FUT8: variants seen among roughly 807,000 people sequenced by gnomAD.
FUT8 encodes alpha-(1,6)-fucosyltransferase.
Under a neutral mutation model 71.3 loss-of-function variants are expected in FUT8, and 29 were observed. That is an observed-to-expected ratio of 0.41 (90% CI 0.30 to 0.55). The LOEUF is 0.55. FUT8 is among the 20% of genes least tolerant of loss of function. FUT8 has a pLI of 0.34. For synonymous variants in FUT8, 254 were observed against 239.3 expected (o/e 1.06, Z -0.57); for missense variants, 544 against 702.1 (o/e 0.77, Z 2.55).
chr14:65,478,348 C>T (rs897338103), intron 2 of FUT8, among the ~76,000 whole-genome samples: 1 of 151,992 alleles, frequency 6.6e-6, no homozygotes, highest in Non-Finnish European at 1.5e-5. Flanking sequence ...AATCTGAAAC[C>T]GACGTGACAC....
chr14:65,668,924 C>T (rs1038269701), intron 6 of FUT8, among the ~76,000 whole-genome samples: 19 of 152,072 alleles, frequency 1.2e-4, no homozygotes, highest in Non-Finnish European at 2.8e-4. Flanking sequence ...CAAACTAATG[C>T]AGGAACAGAA....
rs2065608316 is a variant in FUT8, at chr14:65,439,413, A to T, written c.-325-16208A>T. Among the ~76,000 whole-genome samples the T allele has an allele frequency of 1.3e-5, 2 of 152,136 alleles. 1 individual carries two copies. The highest frequency in any genetic ancestry group is 4.1e-4 in the South Asian group (2 of 4,824). On this transcript the variant is annotated intron_variant, in intron 1 of 10. Transcript: ENST00000673929. ...CATGTACCTCATATAGGCTAATTAG[A>T]ATATTTTGTTTAGTAACTTGATAAT...
intron 6 of FUT8, among the ~76,000 whole-genome samples, chr14:65,642,198 C>T (rs148046503): frequency 5.3e-5 from 8 of 152,230 alleles, no homozygotes; most frequent in East Asian, 1.9e-4. Context: ...TGAGGAATCA[C>T]GTAAACTAAG....
At chr14:65,480,521 C>T (rs2066314555) in intron 2 of FUT8, among the ~76,000 whole-genome samples, 2 of 151,770 alleles carry the variant, frequency 1.3e-5, no homozygotes, top group South Asian at 4.2e-4. Flanking sequence ...CATCATGTTG[C>T]CCAGGCTGGT....
chr14:65,680,595 A>G (rs1043393467), intron 7 of FUT8, among the ~76,000 whole-genome samples: 4 of 152,314 alleles, frequency 2.6e-5, no homozygotes, highest in African/African-American at 9.6e-5. Flanking sequence ...CAGATATTTC[A>G]CAGCATGTTG....
Position 65,600,113 on chromosome 14 carries a change from G to A in FUT8, c.204-15865G>A, listed in dbSNP as rs546515153. 2.0e-5 allele frequency among the ~76,000 whole-genome samples: 3 copies of A among 152,282 alleles called. No homozygotes were observed. In the South Asian group the frequency reaches 6.2e-4, roughly 32 times the overall value. ...TTTAGCCAAGTAAACGTAGAATAAT[G>A]TGTCTAAATTCCCCACAACAATCCA... is the stretch of plus-strand genomic sequence containing the variant. On this transcript the variant is annotated intron_variant, in intron 3 of 10. Coordinates refer to ENST00000673929, the MANE Select transcript of FUT8 (RefSeq NM_001371533.1).
At chr14:65,392,037 A>T in the FUT8 span, among the ~76,000 whole-genome samples, 1 of 151,962 alleles carries the variant, frequency 6.6e-6, no homozygotes, top group African/African-American at 2.4e-5. Context: ...TGTTCAAGTG[A>T]TTCTCTGGCC....
chr14:65,567,617 C>T (rs1271376788), intron 3 of FUT8, among the ~76,000 whole-genome samples: 1 of 151,876 alleles, frequency 6.6e-6, no homozygotes, highest in East Asian at 1.9e-4. Context: ...CTAATTATAA[C>T]CTTTCATGAT....
At chr14:65,635,896 T>G (rs1890525954) in intron 6 of FUT8, among the ~76,000 whole-genome samples, 1 of 152,212 alleles carries the variant, frequency 6.6e-6, no homozygotes, top group African/African-American at 2.4e-5. Flanking sequence ...TGTGGACTAG[T>G]ATCGAAAGGA....
chr14:65,692,904 C>T (rs1006958755), intron 7 of FUT8, among the ~76,000 whole-genome samples: 5 of 135,732 alleles, frequency 3.7e-5, no homozygotes, highest in Admixed American at 2.2e-4. Context: ...ACATCTCAGA[C>T]GATGGGCGGC....
rs1896056763 is a variant in FUT8, at chr14:65,733,118, C to A, written c.1260-113C>A. 5 of 622,614 alleles carry A rather than the reference C, an allele frequency of 8.0e-6. No homozygotes were observed. In the East Asian group the frequency reaches 1.2e-4, roughly 15 times the overall value. The allele number at this position is 622,614 out of a possible 1,614,324, so 38.6% of individuals were successfully genotyped here. ...GTCTCATCAACTACAGTATTAAATGCCATAATTAAAGGTCTCCTTTCTGTG... is the reference window on the plus strand; with the variant it reads ...GTCTCATCAACTACAGTATTAAATGACATAATTAAAGGTCTCCTTTCTGTG... On this transcript the variant is annotated intron_variant, in intron 9 of 10. Coordinates refer to ENST00000673929, the MANE Select transcript of FUT8 (RefSeq NM_001371533.1).
rs553980100 is a variant in FUT8, at chr14:65,627,261, G to A, written c.483-2231G>A. 6.6e-6 allele frequency among the ~76,000 whole-genome samples: 1 copy of A among 152,292 alleles called. No homozygotes were observed. Among genetic ancestry groups the A allele is most frequent in the East Asian group, 1.9e-4 (1 of 5,190 alleles). On this transcript the variant is annotated intron_variant, in intron 5 of 10. Coordinates refer to ENST00000673929, the MANE Select transcript of FUT8 (RefSeq NM_001371533.1). The surrounding 1 kb of genome is among the most constrained non-coding windows in gnomAD (Gnocchi z 4.0). ...TTAGAAAAAAAAAATAAGCAGGGAA[G>A]GAGTGTTAGCAGCAGTGAATCCATA...
chr14:65,641,310 T>G (rs1011068086), intron 6 of FUT8, among the ~76,000 whole-genome samples: 5 of 152,226 alleles, frequency 3.3e-5, no homozygotes, highest in Non-Finnish European at 7.4e-5. Context: ...CTCAGCGTAA[T>G]TATTTTGACG....
In FUT8 at chr14:65,421,747, C is replaced by CCTT. The variant is rs57713947; in HGVS notation, c.-326+8533_-326+8534insCTT. On this transcript the variant is annotated intron_variant, in intron 1 of 10. Coordinates refer to ENST00000673929, the MANE Select transcript of FUT8 (RefSeq NM_001371533.1). Reference sequence around the variant, plus strand: ...TTGAAACCCTTTAACCCACCCCCCCCTTTTTTTTTTTTTGCCATATCCACA... The same window carrying CCTT: ...TTGAAACCCTTTAACCCACCCCCCCCCTTTTTTTTTTTTTTTGCCATATCCACA... Among the ~76,000 whole-genome samples the CCTT allele has an allele frequency of 1.5e-3, 121 of 79,202 alleles. 8 individuals carry two copies. The highest frequency in any genetic ancestry group is 3.2e-3 in the East Asian group (7 of 2,174). The allele number at this position is 79,202 out of a possible 152,430, so 52.0% of individuals were successfully genotyped here.
chr14:65,705,912 A>G lies in FUT8; in HGVS notation c.836-15863A>G, dbSNP rs140224952. 2.6e-5 allele frequency among the ~76,000 whole-genome samples: 4 copies of G among 152,308 alleles called. No homozygotes were observed. The East Asian group carries it at 5.8e-4, about 22-fold the overall frequency. ...CTTTGGGCATAAAGTGCTCACTGAA[A>G]TGGGGTCCTTTCATATATTTTTCAG... On this transcript the variant is annotated intron_variant, in intron 7 of 10. Coordinates refer to ENST00000673929, the MANE Select transcript of FUT8 (RefSeq NM_001371533.1).
At chr14:65,464,001 TGGGGAAAAAAGGAAACAAA>T (rs1351639960) in intron 2 of FUT8, among the ~76,000 whole-genome samples, 5 of 152,122 alleles carry the variant, frequency 3.3e-5, no homozygotes, top group Admixed American at 2.6e-4. Flanking sequence ...GCAGCCCCAC[TGGGGAAAAAAGGAAACAAA>T]GGAGGAAAAC....
upstream of FUT8, chr14:65,411,721 C>G (rs2065125964): frequency 1.4e-5 from 4 of 285,520 alleles, no homozygotes; most frequent in Non-Finnish European, 2.7e-5. Flanking sequence ...CCGTAAAGCG[C>G]CCCAGGCTTG....
At chr14:65,606,702 T>A (rs1318931966) in intron 3 of FUT8, among the ~76,000 whole-genome samples, 1 of 151,928 alleles carries the variant, frequency 6.6e-6, no homozygotes, top group Non-Finnish European at 1.5e-5. Context: ...TTAGTAAAAC[T>A]TTGTTTTGTT....
chr14:65,674,332 T>G (rs1255176713), intron 7 of FUT8, among the ~76,000 whole-genome samples: 1 of 152,194 alleles, frequency 6.6e-6, no homozygotes, highest in Non-Finnish European at 1.5e-5. Flanking sequence ...TGTTTTTAGC[T>G]TTCTGAACTT....
Sources: gnomAD v4.1 joint callset for allele counts (sites outside exome capture counted in the v4.1 genomes callset) on GRCh38, gnomAD v4.1.1 for gene constraint, Gnocchi (gnomAD v3.1) non-coding constraint, MANE v1.5 for transcripts, NCBI Gene and HGNC (gene_info 2026-07-23, HGNC 2026-07-21) for gene names.